NRXN1: variants seen among roughly 807,000 people sequenced by gnomAD.
The protein encoded by NRXN1 is neurexin 1.
Under a neutral mutation model 150.9 loss-of-function variants are expected in NRXN1, and 39 were observed. The ratio of observed to expected loss-of-function variants is 0.26; its 90% CI spans 0.20 to 0.34. NRXN1 has a LOEUF of 0.34. Ranked by LOEUF, NRXN1 falls within the 10% of genes least tolerant of loss-of-function variation. The probability of loss-of-function intolerance (pLI) is 1.00; values close to 1 mark genes in which losing one functional copy is unlikely to be tolerated. For synonymous variants in NRXN1, 924 were observed against 757.0 expected (o/e 1.22, Z -3.62); for missense variants, 1,815 against 1,949.9 (o/e 0.93, Z 1.30).
At chr2:50,027,450 TCTC>T (rs1380726758) in intron 21 of NRXN1, among the ~76,000 whole-genome samples, 1 of 143,072 alleles carries the variant, frequency 7.0e-6, no homozygotes, top group Non-Finnish European at 1.5e-5. Flanking sequence ...TTGCTCCTTC[TCTC>T]CTTTTTTGAG....
intron 19 of NRXN1, among the ~76,000 whole-genome samples, chr2:50,078,244 T>C (rs1215582680): frequency 1.3e-5 from 2 of 152,102 alleles, no homozygotes; most frequent in Non-Finnish European, 2.9e-5. Flanking sequence ...TGTCAAAATT[T>C]TTTTTAACAA....
chr2:50,541,686 C>A (rs2093392225), intron 9 of NRXN1, among the ~76,000 whole-genome samples: 1 of 151,840 alleles, frequency 6.6e-6, no homozygotes, highest in African/African-American at 2.4e-5. Flanking sequence ...CACACTTAAA[C>A]ACACATCCAC....
At chr2:50,996,976 G>A (rs181127934) in intron 2 of NRXN1, among the ~76,000 whole-genome samples, 4 of 152,050 alleles carry the variant, frequency 2.6e-5, no homozygotes, top group East Asian at 3.9e-4. Flanking sequence ...TAGGTTTCAC[G>A]TAAGGAGAAA....
chr2:50,361,982 G>A (rs187313857), intron 17 of NRXN1, among the ~76,000 whole-genome samples: 1 of 152,088 alleles, frequency 6.6e-6, no homozygotes, highest in African/African-American at 2.4e-5. Flanking sequence ...CACATAAACA[G>A]AACCAAAGAC....
At chr2:50,319,961 C>G (rs1010213188) in intron 17 of NRXN1, among the ~76,000 whole-genome samples, 1 of 151,910 alleles carries the variant, frequency 6.6e-6, no homozygotes, top group Non-Finnish European at 1.5e-5. Context: ...AGACATGGCT[C>G]CTTTTTTACC....
intron 5 of NRXN1, among the ~76,000 whole-genome samples, chr2:50,904,667 T>C (rs1038522484): frequency 1.6e-5 from 2 of 127,918 alleles, no homozygotes; most frequent in Admixed American, 7.6e-5. Context: ...ATCAGACCTT[T>C]CTTTTTAAAA....
intron 18 of NRXN1, among the ~76,000 whole-genome samples, chr2:50,212,493 G>A (rs2152845509): frequency 6.6e-6 from 1 of 151,284 alleles, no homozygotes; most frequent in Non-Finnish European, 1.5e-5. Flanking sequence ...TCTATACACA[G>A]CCTCCAGGAA....
rs758131961 is a variant in NRXN1 at position 50,528,657 on chromosome 2, T to C, written c.2348-6A>G. The C allele has an allele frequency of 5.2e-6, 8 of 1,543,396 alleles. No homozygotes were observed. The highest frequency in any genetic ancestry group is 7.1e-6 in the Non-Finnish European group (8 of 1,126,188). On this transcript the variant is annotated splice_region_variant and splice_polypyrimidine_tract_variant and intron_variant, in intron 11 of 22. Transcript: ENST00000401669. ...ACAGTTAATCCTGATACAATCTAGA[T>C]GGGGAAGAATAGATGAAAAATGAAA...
chr2:50,474,323 C>T (rs950186355), intron 15 of NRXN1, among the ~76,000 whole-genome samples: 8 of 151,688 alleles, frequency 5.3e-5, no homozygotes, highest in Admixed American at 4.0e-4. Flanking sequence ...AAATAGAATA[C>T]ATTGGAGTTT....
intron 5 of NRXN1, among the ~76,000 whole-genome samples, chr2:50,626,895 C>A (rs560090687): frequency 6.6e-6 from 1 of 151,608 alleles, no homozygotes; most frequent in Non-Finnish European, 1.5e-5. Flanking sequence ...CGAATCAATA[C>A]AAAAATAAAG....
chr2:49,975,622 G>A (rs143089917), intron 21 of NRXN1, among the ~76,000 whole-genome samples: 1 of 152,058 alleles, frequency 6.6e-6, no homozygotes, highest in East Asian at 1.9e-4. Context: ...GTTGTCATGT[G>A]TTTTTTTCTA....
intron 8 of NRXN1, among the ~76,000 whole-genome samples, chr2:50,566,491 G>A (rs1573575151): frequency 6.6e-6 from 1 of 150,668 alleles, no homozygotes; most frequent in Non-Finnish European, 1.5e-5. Flanking sequence ...ATGACCTCTG[G>A]TGATCCGCCT....
intron 5 of NRXN1, among the ~76,000 whole-genome samples, chr2:50,772,625 A>G (rs143077036): frequency 1.3e-5 from 2 of 152,204 alleles, no homozygotes; most frequent in East Asian, 1.9e-4. Flanking sequence ...TTTAAATTCT[A>G]TGGGAGCAAG....
At chr2:49,959,845 T>C (rs926035664) in intron 21 of NRXN1, among the ~76,000 whole-genome samples, 1 of 152,214 alleles carries the variant, frequency 6.6e-6, no homozygotes, top group Non-Finnish European at 1.5e-5. Flanking sequence ...CTTAATAAAG[T>C]AGGCAAAACC....
chr2:50,139,888 A>G (rs1018517615), intron 18 of NRXN1, among the ~76,000 whole-genome samples: 1 of 152,188 alleles, frequency 6.6e-6, no homozygotes, highest in Non-Finnish European at 1.5e-5. Context: ...GTGGGAGCTG[A>G]AAATGTTAAA....
chr2:50,605,337 T>C (rs1187412745), intron 8 of NRXN1, among the ~76,000 whole-genome samples: 1 of 152,206 alleles, frequency 6.6e-6, no homozygotes, highest in Non-Finnish European at 1.5e-5. Flanking sequence ...ATCCAGCATC[T>C]AGTCAGTGCT....
At chr2:49,941,095 AAGTCCATGC>A (rs767777698) in intron 22 of NRXN1, among the ~76,000 whole-genome samples, 2 of 152,034 alleles carry the variant, frequency 1.3e-5, no homozygotes, top group African/African-American at 2.4e-5. Context: ...TTGACAGAAC[AAGTCCATGC>A]AGGCAGCAAG....
At chr2:50,292,309 G>C (rs886328639) in intron 17 of NRXN1, among the ~76,000 whole-genome samples, 1 of 152,164 alleles carries the variant, frequency 6.6e-6, no homozygotes, top group Non-Finnish European at 1.5e-5. Context: ...GTCTAGGGCT[G>C]TTTTTGTAGT....
intron 5 of NRXN1, among the ~76,000 whole-genome samples, chr2:50,655,562 C>A (rs987981298): frequency 6.6e-6 from 1 of 151,846 alleles, no homozygotes; most frequent in East Asian, 1.9e-4. Flanking sequence ...AAAGCCTCAG[C>A]GCTGTGGCTT....
Sources: gnomAD v4.1 joint callset for allele counts (sites outside exome capture counted in the v4.1 genomes callset) on GRCh38, gnomAD v4.1.1 for gene constraint, MANE v1.5 for transcripts, NCBI Gene and HGNC (gene_info 2026-07-23, HGNC 2026-07-21) for gene names.